Variants in EAF2 observed in about 807,000 individuals in gnomAD.
The protein encoded by EAF2 is ELL associated factor 2, also known as ELL-associated factor 2.
A neutral mutation model predicts 29.4 loss-of-function variants in EAF2; 29 were observed. The ratio of observed to expected loss-of-function variants is 0.99; its 90% CI spans 0.73 to 1.35. The LOEUF is 1.35. Ranked by LOEUF, EAF2 falls within the 40% of genes most tolerant of loss-of-function variation. The pLI is 0.00. For synonymous variants in EAF2, 103 were observed against 102.5 expected, an observed-to-expected ratio of 1.00 and a Z score of -0.03; for missense variants, 292 against 312.0, an observed-to-expected ratio of 0.94 and a Z score of 0.48.
intron 4 of EAF2, among the ~76,000 whole-genome samples, chr3:121,859,626 T>C (rs1049662369): frequency 1.8e-4 from 27 of 152,168 alleles, no homozygotes; most frequent in Non-Finnish European, 2.4e-4. Flanking sequence ...ACAGGGACAA[T>C]TTGACTTCCT....
chr3:121,848,847 T>C (rs189508169), intron 2 of EAF2, among the ~76,000 whole-genome samples: 30 of 149,952 alleles, frequency 2.0e-4, no homozygotes, highest in Non-Finnish European at 3.6e-4. Flanking sequence ...GTGCACATAT[T>C]AACTTTTAAA....
intron 2 of EAF2, among the ~76,000 whole-genome samples, chr3:121,848,207 G>A (rs992258882): frequency 4.6e-5 from 7 of 152,152 alleles, no homozygotes; most frequent in African/African-American, 1.4e-4. Flanking sequence ...AGCAGTGTAT[G>A]TCAGGACTTG....
chr3:121,863,773 G>A (rs763505496), intron 4 of EAF2, among the ~76,000 whole-genome samples: 8 of 152,030 alleles, frequency 5.3e-5, no homozygotes, highest in East Asian at 1.9e-4. Flanking sequence ...CATCTTCTGC[G>A]TGGCTCATGG....
At chr3:121,849,499 A>T (rs1347173848) in intron 2 of EAF2, among the ~76,000 whole-genome samples, 1 of 152,194 alleles carries the variant, frequency 6.6e-6, no homozygotes, top group Non-Finnish European at 1.5e-5. Context: ...TGAGATTGGC[A>T]TATTTTTGGC....
chr3:121,845,353 G>A (rs1328108715), intron 2 of EAF2, among the ~76,000 whole-genome samples: 2 of 142,352 alleles, frequency 1.4e-5, no homozygotes, highest in African/African-American at 2.6e-5. Context: ...CAGGAGAATC[G>A]CTGGAACCTG....
chr3:121,857,265 A>C (rs1157700638), intron 4 of EAF2, 109 bp downstream of exon 4: 1 of 917,216 alleles, frequency 1.1e-6, no homozygotes, highest in Non-Finnish European at 1.6e-6. Flanking sequence ...AGGCCGAGGC[A>C]GGCGGATCAT....
chr3:121,848,851 T>C (rs1376692380), intron 2 of EAF2, among the ~76,000 whole-genome samples: 2 of 146,988 alleles, frequency 1.4e-5, no homozygotes, highest in African/African-American at 5.1e-5. Flanking sequence ...ACATATTAAC[T>C]TTTAAAAAAT....
chr3:121,867,177 T>C (rs1708940786), intron 4 of EAF2, among the ~76,000 whole-genome samples: 1 of 152,206 alleles, frequency 6.6e-6, no homozygotes, highest in South Asian at 2.1e-4. Flanking sequence ...AAATATCCAA[T>C]ATTTGTGTCA....
chr3:121,848,510 C>T (rs1378405732), intron 2 of EAF2, among the ~76,000 whole-genome samples: 1 of 152,052 alleles, frequency 6.6e-6, no homozygotes, highest in Non-Finnish European at 1.5e-5. Context: ...CGCAACTCTG[C>T]CAATGCTTTT....
intron 1 of EAF2, 109 bp downstream of exon 1, chr3:121,835,500 C>T: frequency 2.0e-6 from 2 of 989,452 alleles, no homozygotes; most frequent in Non-Finnish European, 3.1e-6. Flanking sequence ...CTGTTGGAGA[C>T]TACGGGGCGG....
At chr3:121,848,753 T>C (rs1424410575) in intron 2 of EAF2, among the ~76,000 whole-genome samples, 1 of 152,188 alleles carries the variant, frequency 6.6e-6, no homozygotes, top group Non-Finnish European at 1.5e-5. Flanking sequence ...ACACACAGGA[T>C]CTAGAAGAAC....
rs535675770 is a variant in EAF2, at chr3:121,873,529, T to A, written c.736+741T>A. Among the ~76,000 whole-genome samples the A allele has an allele frequency of 2.0e-5, 3 of 151,982 alleles. No homozygotes were observed. The East Asian group carries it at 5.8e-4, about 29-fold the overall frequency. On this transcript the variant is annotated intron_variant, in intron 5 of 5. Transcript: ENST00000273668. ...ATGACCTAACTGGTTCACCCCTTTA[T>A]GTAGTCAAGCCCATTTTTGATCCAT...
intron 5 of EAF2, among the ~76,000 whole-genome samples, chr3:121,875,901 A>T (rs1299387935): frequency 3.3e-5 from 5 of 151,960 alleles, no homozygotes; most frequent in Non-Finnish European, 7.4e-5. Context: ...CCCAGAACAC[A>T]ATACAAGAGA....
intron 4 of EAF2, among the ~76,000 whole-genome samples, chr3:121,858,365 C>T (rs555992450): frequency 7.9e-5 from 12 of 152,336 alleles, no homozygotes; most frequent in African/African-American, 2.9e-4. Context: ...GCCATTCTAA[C>T]TGGTGTGAGA....
rs189858958 is a variant in EAF2, at chr3:121,855,217, A to G, written c.338+394A>G. On this transcript the variant is annotated intron_variant, in intron 3 of 5. Coordinates refer to ENST00000273668, the MANE Select transcript of EAF2 (RefSeq NM_018456.6). ...GGAAAGTTTGCTCTGCAAACACCTC[A>G]AAACTTCTGCATTTTATTCAGATAA... is the stretch of plus-strand genomic sequence containing the variant. Among the ~76,000 whole-genome samples, 4 of 152,326 alleles carry G rather than the reference A, an allele frequency of 2.6e-5. No individual in the cohort carries two copies. In the East Asian group the frequency reaches 5.8e-4, roughly 22 times the overall value.
intron 1 of EAF2, among the ~76,000 whole-genome samples, chr3:121,842,009 T>TAAAAAAAA (rs961278801): frequency 7.2e-6 from 1 of 138,162 alleles, no homozygotes; most frequent in African/African-American, 2.7e-5. Flanking sequence ...GTCTCAAAAA[T>TAAAAAAAA]AAAAAAAAAA....
intron 5 of EAF2, among the ~76,000 whole-genome samples, chr3:121,879,790 C>T (rs187796754): frequency 5.9e-5 from 9 of 151,992 alleles, no homozygotes; most frequent in African/African-American, 1.7e-4. Flanking sequence ...TATTTTTATG[C>T]CAATACCATG....
At chr3:121,878,459 T>C (rs1160475048) in intron 5 of EAF2, among the ~76,000 whole-genome samples, 2 of 152,188 alleles carry the variant, frequency 1.3e-5, no homozygotes, top group African/African-American at 4.8e-5. Flanking sequence ...TAAATTGTTG[T>C]TAACTATAGT....
intron 5 of EAF2, among the ~76,000 whole-genome samples, chr3:121,880,455 GGT>G (rs58834177): frequency 0.36 from 50,698 of 142,666 alleles, 9,153 homozygotes; most frequent in East Asian, 0.65. Context: ...AGTGTTTTGG[GGT>G]GTGTGTGTGT....
Sources: gnomAD v4.1 joint callset for allele counts (sites outside exome capture counted in the v4.1 genomes callset) on GRCh38, gnomAD v4.1.1 for gene constraint, MANE v1.5 for transcripts, NCBI Gene and HGNC (gene_info 2026-07-23, HGNC 2026-07-21) for gene names.